RMI1: variants seen among roughly 807,000 people sequenced by gnomAD.
RMI1 encodes RecQ mediated genome instability 1, also known as recQ-mediated genome instability protein 1.
A neutral mutation model predicts 46.7 loss-of-function variants in RMI1; 36 were observed. That is an observed-to-expected ratio of 0.77 (90% CI 0.59 to 1.02). RMI1 has a LOEUF of 1.02. RMI1 is among the 50% of genes least tolerant of loss of function. The probability of loss-of-function intolerance (pLI) is 0.00; values close to 1 mark genes in which losing one functional copy is unlikely to be tolerated. For synonymous variants in RMI1, 250 were observed against 252.9 expected, an observed-to-expected ratio of 0.99 and a Z score of 0.11; for missense variants, 676 against 713.7, an observed-to-expected ratio of 0.95 and a Z score of 0.60.
At chr9:83,990,133 G>A (rs1212101525) in intron 1 of RMI1, among the ~76,000 whole-genome samples, 3 of 152,140 alleles carry the variant, frequency 2.0e-5, no homozygotes, top group African/African-American at 4.8e-5. Context: ...AGTTGATCTC[G>A]GGAAGGTAGA....
intron 1 of RMI1, among the ~76,000 whole-genome samples, chr9:83,994,030 T>G (rs1418591748): frequency 6.6e-6 from 1 of 151,486 alleles, no homozygotes; most frequent in African/African-American, 2.4e-5. Context: ...GTGATCCACC[T>G]GCCTCCGCCT....
chr9:83,989,208 AT>A (rs890016267), intron 1 of RMI1, among the ~76,000 whole-genome samples: 67 of 152,326 alleles, frequency 4.4e-4, no homozygotes, highest in African/African-American at 1.6e-3. Flanking sequence ...AAATACTTAA[AT>A]GTAAGACCTG....
At chr9:83,984,304 T>C (rs1957459760) in intron 1 of RMI1, among the ~76,000 whole-genome samples, 1 of 151,866 alleles carries the variant, frequency 6.6e-6, no homozygotes, top group Admixed American at 6.6e-5. Flanking sequence ...AGTTTCGTTC[T>C]TGTTGCCTAT....
chr9:83,982,593 G>T (rs541926873), intron 1 of RMI1, among the ~76,000 whole-genome samples: 2 of 152,060 alleles, frequency 1.3e-5, no homozygotes, highest in Admixed American at 1.3e-4. Context: ...GCGTGAACCC[G>T]GAAGGCTGAT....
In RMI1 at chr9:84,001,245, C is replaced by G. The variant is rs1588473641; in HGVS notation, c.259C>G (p.Leu87Val). The G allele has an allele frequency of 6.2e-7, 1 of 1,614,094 alleles. No homozygotes were observed. Among genetic ancestry groups the G allele is most frequent in the East Asian group, 2.2e-5 (1 of 44,878 alleles). The part of the protein sequence containing the change: ...PKGELNGFYA[L>V]QINSLVDVSQ... Reference sequence around the variant, plus strand: ...AGGAGAATTAAATGGATTTTATGCTCTGCAGATTAATTCCTTGGTTGATGT... The same window carrying G: ...AGGAGAATTAAATGGATTTTATGCTGTGCAGATTAATTCCTTGGTTGATGT... Residue 87 changes from leucine to valine, a missense_variant, in exon 3 of 3, where the codon CTG (leucine) becomes GTG (valine). Coordinates refer to ENST00000445877, the MANE Select transcript of RMI1 (RefSeq NM_001358291.2).
chr9:84,000,475 A>C lies in RMI1; in HGVS notation c.-36-476A>C, dbSNP rs74456047. ...GGTTGGTCATCGGATTTAAAAAAAT[A>C]ATATATATTAAGTTTGATAATATTT... On this transcript the variant is annotated intron_variant, in intron 2 of 2. Coordinates refer to ENST00000445877, the MANE Select transcript of RMI1 (RefSeq NM_001358291.2). 3.5e-3 allele frequency among the ~76,000 whole-genome samples: 527 copies of C among 152,282 alleles called. 2 individuals are homozygous for C. Among genetic ancestry groups the C allele is most frequent in the African/African-American group, 0.012 (491 of 41,554 alleles).
intron 1 of RMI1, among the ~76,000 whole-genome samples, chr9:83,989,958 G>A (rs1246831683): frequency 3.9e-5 from 6 of 152,126 alleles, no homozygotes; most frequent in Non-Finnish European, 7.4e-5. Context: ...ATCAGCAGAC[G>A]AATGGATAAA....
intron 1 of RMI1, among the ~76,000 whole-genome samples, chr9:83,982,796 C>A (rs150337306): frequency 1.5e-3 from 235 of 152,236 alleles, no homozygotes; most frequent in African/African-American, 5.2e-3. Flanking sequence ...TTTTTCCCCC[C>A]ATTTGATTTC....
At chr9:83,991,506 T>C (rs1957573586) in intron 1 of RMI1, among the ~76,000 whole-genome samples, 1 of 151,992 alleles carries the variant, frequency 6.6e-6, no homozygotes, top group Non-Finnish European at 1.5e-5. Context: ...TTTGTAGAAA[T>C]GGGGTCTTGC....
chr9:83,996,206 T>C (rs1049356559), intron 1 of RMI1, among the ~76,000 whole-genome samples: 16 of 152,238 alleles, frequency 1.1e-4, no homozygotes, highest in African/African-American at 3.6e-4. Flanking sequence ...GAATTTGGGT[T>C]TTTACTTAGT....
intron 1 of RMI1, among the ~76,000 whole-genome samples, chr9:83,985,737 G>A (rs1381640960): frequency 2.6e-5 from 4 of 152,192 alleles, no homozygotes; most frequent in Non-Finnish European, 4.4e-5. Flanking sequence ...GGCCGGGCGC[G>A]GTGGCTCACG....
At chr9:83,994,462 G>A (rs1385863368) in intron 1 of RMI1, among the ~76,000 whole-genome samples, 1 of 152,122 alleles carries the variant, frequency 6.6e-6, no homozygotes, top group Non-Finnish European at 1.5e-5. Context: ...TCCATTTTGA[G>A]TTAATTTTTG....
intron 1 of RMI1, among the ~76,000 whole-genome samples, chr9:83,982,149 G>C (rs982139399): frequency 6.6e-6 from 1 of 152,142 alleles, no homozygotes. Context: ...TAGGGGCTTA[G>C]GATACTTGGA....
chr9:83,994,157 A>G (rs972663692), intron 1 of RMI1, among the ~76,000 whole-genome samples: 5 of 152,092 alleles, frequency 3.3e-5, no homozygotes, highest in Non-Finnish European at 7.4e-5. Flanking sequence ...TTTGTTGTTA[A>G]TTATCAAGTT....
At chr9:83,993,829 C>T (rs1957609950) in intron 1 of RMI1, among the ~76,000 whole-genome samples, 1 of 151,892 alleles carries the variant, frequency 6.6e-6, no homozygotes, top group Non-Finnish European at 1.5e-5. Flanking sequence ...GCTTTGTCGC[C>T]CAGACTGGAG....
chr9:83,984,896 T>A (rs968774953), intron 1 of RMI1, among the ~76,000 whole-genome samples: 4 of 152,170 alleles, frequency 2.6e-5, no homozygotes, highest in African/African-American at 9.7e-5. Flanking sequence ...TAAAAGACAG[T>A]TTTCCAAATT....
intron 1 of RMI1, among the ~76,000 whole-genome samples, chr9:83,989,674 AAAAAT>A (rs1001263428): frequency 1.3e-5 from 2 of 150,568 alleles, no homozygotes; most frequent in African/African-American, 4.9e-5. Context: ...AGACAAAAAA[AAAAAT>A]AAAATAAAAT....
At chr9:83,997,967 A>C (rs1957682933) in intron 1 of RMI1, among the ~76,000 whole-genome samples, 1 of 150,256 alleles carries the variant, frequency 6.7e-6, no homozygotes, top group Admixed American at 6.6e-5. Context: ...AGGCTAATTA[A>C]AAAAAAAAAT....
Position 84,002,449 on chromosome 9 carries a change from C to A in RMI1, c.1463C>A (p.Ser488Tyr). The A allele has an allele frequency of 2.5e-6, 4 of 1,613,872 alleles. No homozygotes were observed. The highest frequency in any genetic ancestry group is 3.4e-6 in the Non-Finnish European group (4 of 1,179,932). Residue 488 changes from serine to tyrosine, a missense_variant, in exon 3 of 3, where the codon TCT becomes TAT. Ser to Tyr is a moderately radical substitution (Grantham distance 144). Transcript: ENST00000445877. The stretch of plus-strand genomic sequence containing the variant: ...CTTTCTATTGCCATGGATTTGTATT[C>A]TCCACCCTTTGTCTATTTGTCTGTT... ...INLSIAMDLY[S>Y]PPFVYLSVLM...
Sources: gnomAD v4.1 joint callset for allele counts (sites outside exome capture counted in the v4.1 genomes callset) on GRCh38, gnomAD v4.1.1 for gene constraint, MANE v1.5 for transcripts, NCBI Gene and HGNC (gene_info 2026-07-23, HGNC 2026-07-21) for gene names.